Variants in AKAP5 observed in about 807,000 individuals in gnomAD.
AKAP5 encodes the protein A-kinase anchoring protein 5.
AKAP5 carries 5 observed loss-of-function variants against 13.8 expected under a neutral mutation model. The observed-to-expected ratio is 0.36, with a 90% CI of 0.19 to 0.76. The LOEUF (loss-of-function observed/expected upper bound fraction) is 0.76, where lower values mean the gene tolerates loss of function less well. Ranked by LOEUF, AKAP5 falls within the 30% of genes least tolerant of loss-of-function variation. The pLI, the probability that AKAP5 is intolerant of heterozygous loss-of-function variation, is 0.51. For synonymous variants in AKAP5, 148 were observed against 167.2 expected, an observed-to-expected ratio of 0.89 and a Z score of 0.89; for missense variants, 406 against 484.4, an observed-to-expected ratio of 0.84 and a Z score of 1.52.
Position 64,468,993 on chromosome 14 carries a change from G to C in AKAP5, c.599G>C (p.Ser200Thr). 6.2e-7 allele frequency: 1 copy of C among 1,614,168 alleles called. No homozygotes were observed. The highest frequency in any genetic ancestry group is 8.5e-7 in the Non-Finnish European group (1 of 1,180,004). The change falls in exon 2 of 2, where the codon AGC (serine) becomes ACC (threonine). Residue 200 changes from serine to threonine, a missense_variant. Ser to Thr is a moderately conservative substitution (Grantham distance 58). Transcript: ENST00000394718. ...DGDEVCESNVSNSTTSGEKVI... is the reference protein window; with the variant it reads ...DGDEVCESNVTNSTTSGEKVI... ...GATGAGGTCTGTGAATCAAATGTGA[G>C]CAATAGCACAACTTCTGGAGAGAAA...
rs965814767 is a variant in AKAP5, at chr14:64,470,019, T to C, written c.*341T>C. The C allele has an allele frequency of 8.3e-5, 16 of 192,458 alleles. No homozygotes were observed. The highest frequency in any genetic ancestry group is 1.2e-5 in the Non-Finnish European group (1 of 85,780). 11.9% of individuals were successfully genotyped at this position (192,458 alleles called of 1,614,324 possible). A position where few individuals can be genotyped will look rare whatever the true frequency, so the allele number is the denominator to read the frequency against. ...ATGCCATAAGCTTTTTAATGACCTC[T>C]GATATAACAAAGTCTGGTTTCCTTT... On this transcript the variant is annotated 3_prime_UTR_variant, in exon 2 of 2. Transcript: ENST00000394718.
Position 64,468,493 on chromosome 14 carries a change from C to T in AKAP5, c.99C>T (p.Ser33=). 1 of 1,614,048 alleles carries T rather than the reference C, an allele frequency of 6.2e-7. No individual in the cohort carries two copies. Among genetic ancestry groups the T allele is most frequent in the Non-Finnish European group, 8.5e-7 (1 of 1,180,016 alleles). Reference sequence around the variant, plus strand: ...CTGAAAGGCAGAAGGAAAAGGCATCCATGCTTTGCTTCAAGAGAAGAAAGA... The same window carrying T: ...CTGAAAGGCAGAAGGAAAAGGCATCTATGCTTTGCTTCAAGAGAAGAAAGA... The part of the protein sequence containing the change: ...PGAERQKEKA[S]MLCFKRRKKA... The change falls in exon 2 of 2, where the codon TCC becomes TCT. Residue 33 remains serine, a synonymous_variant. Transcript: ENST00000394718.
rs2078631799 is a variant in AKAP5 at position 64,468,272 on chromosome 14, A to C, written c.-123A>C. On this transcript the variant is annotated 5_prime_UTR_variant, in exon 2 of 2. Coordinates refer to ENST00000394718, the MANE Select transcript of AKAP5 (RefSeq NM_004857.3). ...AAAACAACTGTATGGAGTAAGATGAAAGGTATGAATATGCCTGGAAGAAAT... is the reference window on the plus strand; with the variant it reads ...AAAACAACTGTATGGAGTAAGATGACAGGTATGAATATGCCTGGAAGAAAT... The C allele has an allele frequency of 1.2e-6, 1 of 854,870 alleles. No individual in the cohort carries two copies. The highest frequency in any genetic ancestry group is 1.9e-5 in the South Asian group (1 of 51,932). 53.0% of individuals were successfully genotyped at this position (854,870 alleles called of 1,614,324 possible).
At position 64,469,746 on chromosome 14, in the gene AKAP5, T is replaced by G. The variant is rs952177694; in HGVS notation, c.*68T>G. The stretch of plus-strand genomic sequence containing the variant: ...GAATTCTTTTATACATTTGTGGCAT[T>G]TCTTACTCAGTAACAAATGAGAGAT... On this transcript the variant is annotated 3_prime_UTR_variant, in exon 2 of 2. Transcript: ENST00000394718. 1.1e-5 allele frequency: 13 copies of G among 1,166,948 alleles called. No individual in the cohort carries two copies. In the African/African-American group the frequency reaches 2.0e-4, roughly 18 times the overall value. 72.3% of individuals were successfully genotyped at this position (1,166,948 alleles called of 1,614,324 possible).
At position 64,469,558 on chromosome 14, in the gene AKAP5, T is replaced by C. The variant is rs373624267; in HGVS notation, c.1164T>C (p.Tyr388=). Reference sequence around the variant, plus strand: ...TTGAGGATAGAACTTCAGAACAATATGAAACACTCTTAATTGAAACAGCCT... The same window carrying C: ...TTGAGGATAGAACTTCAGAACAATACGAAACACTCTTAATTGAAACAGCCT... ...NGFEDRTSEQ[Y]ETLLIETASS... Residue 388 remains tyrosine, a synonymous_variant, in exon 2 of 2, where the codon TAT becomes TAC. Coordinates refer to ENST00000394718, the MANE Select transcript of AKAP5 (RefSeq NM_004857.3). 3.7e-6 allele frequency: 6 copies of C among 1,613,766 alleles called. No homozygotes were observed. The highest frequency in any genetic ancestry group is 3.3e-5 in the South Asian group (3 of 91,014).
intron 1 of AKAP5, chr14:64,467,418 T>A (rs903771146): frequency 6.6e-6 from 1 of 152,224 alleles, no homozygotes; most frequent in Non-Finnish European, 1.5e-5. Flanking sequence ...GTGCAGATTA[T>A]GGTGGAAACA....
rs1198062123 is a variant in AKAP5 at position 64,468,147 on chromosome 14, A to C, written c.-248A>C. ...CTCTCATCAGGTTGATCTTTAAATAAAGCAAAAATTTATCCAAAGAAGGGC... is the reference window on the plus strand; with the variant it reads ...CTCTCATCAGGTTGATCTTTAAATACAGCAAAAATTTATCCAAAGAAGGGC... On this transcript the variant is annotated 5_prime_UTR_variant, in exon 2 of 2. Transcript: ENST00000394718. 1 of 272,696 alleles carries C rather than the reference A, an allele frequency of 3.7e-6. No individual in the cohort carries two copies. Among genetic ancestry groups the C allele is most frequent in the African/African-American group, 2.2e-5 (1 of 45,084 alleles). 16.9% of individuals were successfully genotyped at this position (272,696 alleles called of 1,614,324 possible).
Position 64,471,541 on chromosome 14 carries a change from A to G in AKAP5, c.*1863A>G, listed in dbSNP as rs2078671655. On this transcript the variant is annotated 3_prime_UTR_variant, in exon 2 of 2. Transcript: ENST00000394718. The stretch of plus-strand genomic sequence containing the variant: ...TTACATATTGAAAGGGAAGCATCTG[A>G]TCTCATCAATGATTGCCATATTTTT... 1 of 167,066 alleles carries G rather than the reference A, an allele frequency of 6.0e-6. No individual in the cohort carries two copies. Among genetic ancestry groups the G allele is most frequent in the African/African-American group, 2.4e-5 (1 of 41,442 alleles). 10.3% of individuals were successfully genotyped at this position (167,066 alleles called of 1,614,324 possible). A position where few individuals can be genotyped will look rare whatever the true frequency, so the allele number is the denominator to read the frequency against.
intron 1 of AKAP5, among the ~76,000 whole-genome samples, chr14:64,466,596 C>T (rs2078615648): frequency 6.6e-6 from 1 of 152,114 alleles, no homozygotes; most frequent in Non-Finnish European, 1.5e-5. Flanking sequence ...ATTTTAGTTC[C>T]GTCATTGTTC....
Position 64,470,270 on chromosome 14 carries a change from G to A in AKAP5, c.*592G>A, listed in dbSNP as rs867670806. On this transcript the variant is annotated 3_prime_UTR_variant, in exon 2 of 2. Coordinates refer to ENST00000394718, the MANE Select transcript of AKAP5 (RefSeq NM_004857.3). ...ATATGCATATTGATATTAAACGTGA[G>A]TGGTTTCCTAGTCTTAAGTCTCTTA... 6.0e-6 allele frequency: 1 copy of A among 167,064 alleles called. No homozygotes were observed. Among genetic ancestry groups the A allele is most frequent in the African/African-American group, 2.4e-5 (1 of 41,428 alleles). The allele number at this position is 167,064 out of a possible 1,614,324, so 10.3% of individuals were successfully genotyped here. A position where few individuals can be genotyped will look rare whatever the true frequency, so the allele number is the denominator to read the frequency against.
chr14:64,469,650 A>T lies in AKAP5; in HGVS notation c.1256A>T (p.Asp419Val), dbSNP rs758162530. The T allele has an allele frequency of 2.1e-5, 33 of 1,592,300 alleles. 1 individual carries two copies. In the South Asian group the frequency reaches 2.1e-4, roughly 10 times the overall value. Residue 419 changes from aspartate (D) to valine (V), a missense_variant, in exon 2 of 2, where the codon GAT becomes GTT. Physicochemically the swap from Asp to Val is radical, Grantham distance 152. Coordinates refer to ENST00000394718, the MANE Select transcript of AKAP5 (RefSeq NM_004857.3). ...CTGGTTAATGAAATGGCCTCTGATG[A>T]TAATAAAATAAACAATCTTCTACAG... The part of the protein sequence containing the change: ...EQLVNEMASD[D>V]NKINNLLQ
rs1392419713 is a variant in AKAP5, at chr14:64,468,491, T to C, written c.97T>C (p.Ser33Pro). Residue 33 changes from serine (S) to proline (P), a missense_variant, in exon 2 of 2, where the codon TCC becomes CCC. Ser to Pro is a moderately conservative substitution (Grantham distance 74). Coordinates refer to ENST00000394718, the MANE Select transcript of AKAP5 (RefSeq NM_004857.3). ...GGCTGAAAGGCAGAAGGAAAAGGCA[T>C]CCATGCTTTGCTTCAAGAGAAGAAA... is the stretch of plus-strand genomic sequence containing the variant. Reference protein sequence around the residue: ...PGAERQKEKASMLCFKRRKKA... With the variant: ...PGAERQKEKAPMLCFKRRKKA... 2 of 1,613,912 alleles carry C rather than the reference T, an allele frequency of 1.2e-6. No individual in the cohort carries two copies. The highest frequency in any genetic ancestry group is 1.3e-5 in the African/African-American group (1 of 74,902).
rs1321231526 is a variant in AKAP5 at position 64,469,811 on chromosome 14, G to A, written c.*133G>A. The A allele has an allele frequency of 3.0e-6, 2 of 665,652 alleles. No homozygotes were observed. Among genetic ancestry groups the A allele is most frequent in the East Asian group, 5.8e-5 (2 of 34,204 alleles). The allele number at this position is 665,652 out of a possible 1,614,324, so 41.2% of individuals were successfully genotyped here. A position where few individuals can be genotyped will look rare whatever the true frequency, so the allele number is the denominator to read the frequency against. ...ACTTAAAAGGTACAATTCCAGCGCAGAAGTGCTAAAGATTAAGTCAAGTTT... is the reference window on the plus strand; with the variant it reads ...ACTTAAAAGGTACAATTCCAGCGCAAAAGTGCTAAAGATTAAGTCAAGTTT... On this transcript the variant is annotated 3_prime_UTR_variant, in exon 2 of 2. Coordinates refer to ENST00000394718, the MANE Select transcript of AKAP5 (RefSeq NM_004857.3).
rs2078659290 is a variant in AKAP5, at chr14:64,470,573, G to C, written c.*895G>C. ...CCACTGCACTCCAGTCTGGGCAACA[G>C]AGCGAGACTCCTTCTCAAAAAAAAA... On this transcript the variant is annotated 3_prime_UTR_variant, in exon 2 of 2. Coordinates refer to ENST00000394718, the MANE Select transcript of AKAP5 (RefSeq NM_004857.3). The C allele has an allele frequency of 6.6e-6, 1 of 152,366 alleles. No individual in the cohort carries two copies. The highest frequency in any genetic ancestry group is 2.7e-5 in the African/African-American group (1 of 36,488). The allele number at this position is 152,366 out of a possible 1,614,324, so 9.4% of individuals were successfully genotyped here. A position where few individuals can be genotyped will look rare whatever the true frequency, so the allele number is the denominator to read the frequency against.
Position 64,468,337 on chromosome 14 carries a change from A to G in AKAP5, c.-58A>G. 1 of 1,473,026 alleles carries G rather than the reference A, an allele frequency of 6.8e-7. No homozygotes were observed. Among genetic ancestry groups the G allele is most frequent in the Non-Finnish European group, 9.1e-7 (1 of 1,103,608 alleles). 91.2% of individuals were successfully genotyped at this position (1,473,026 alleles called of 1,614,324 possible). On this transcript the variant is annotated 5_prime_UTR_variant, in exon 2 of 2. Coordinates refer to ENST00000394718, the MANE Select transcript of AKAP5 (RefSeq NM_004857.3). The stretch of plus-strand genomic sequence containing the variant: ...CATTTTTGCTCATCTTTTTGTCACA[A>G]AAGGCTGCTAAGGAAGAGAGAATAC...
chr14:64,467,106 A>AT (rs2078620218), intron 1 of AKAP5: 7 of 152,150 alleles, frequency 4.6e-5, no homozygotes, highest in Admixed American at 4.6e-4. Flanking sequence ...CAATTTTTTA[A>AT]TTTTTTTACT....
rs1207686852 is a variant in AKAP5 at position 64,469,287 on chromosome 14, A to G, written c.893A>G (p.Glu298Gly). 4.3e-6 allele frequency: 7 copies of G among 1,613,060 alleles called. No homozygotes were observed. The highest frequency in any genetic ancestry group is 5.9e-6 in the Non-Finnish European group (7 of 1,179,892). ...AATGGAAAAGACTATGAAAGTACAG[A>G]GATTGTAGCTGAAGAAACTAAGCCA... ...APNGKDYESTEIVAEETKPKD... is the reference protein window; with the variant it reads ...APNGKDYESTGIVAEETKPKD... Residue 298 changes from glutamate to glycine, a missense_variant, in exon 2 of 2, where the codon GAG (glutamate) becomes GGG (glycine). Physicochemically the swap from Glu to Gly is moderately conservative, Grantham distance 98. Coordinates refer to ENST00000394718, the MANE Select transcript of AKAP5 (RefSeq NM_004857.3).
Position 64,469,610 on chromosome 14 carries a change from T to C in AKAP5, c.1216T>C (p.Leu406=). 11 of 1,611,906 alleles carry C rather than the reference T, an allele frequency of 6.8e-6. No homozygotes were observed. Among genetic ancestry groups the C allele is most frequent in the Non-Finnish European group, 9.3e-6 (11 of 1,179,406 alleles). Reference sequence around the variant, plus strand: ...TTCTCTAGTCAAGAATGCTATTCAGTTGTCAATAGAACAGCTGGTTAATGA... The same window carrying C: ...TTCTCTAGTCAAGAATGCTATTCAGCTGTCAATAGAACAGCTGGTTAATGA... ...ASSLVKNAIQ[L]SIEQLVNEMA... Residue 406 remains leucine (L), a synonymous_variant, in exon 2 of 2, where the codon TTG becomes CTG. Transcript: ENST00000394718.
rs1266398087 is a variant in AKAP5, at chr14:64,473,339, C to T, written c.*3661C>T. ...TCAGAAAAGCTGTCTGCATAATTTT[C>T]CTTCAAGGTAATGTATTTGACAGCA... On this transcript the variant is annotated 3_prime_UTR_variant, in exon 2 of 2. Transcript: ENST00000394718. 1 of 167,078 alleles carries T rather than the reference C, an allele frequency of 6.0e-6. No homozygotes were observed. Among genetic ancestry groups the T allele is most frequent in the East Asian group, 1.9e-4 (1 of 5,206 alleles). 10.3% of individuals were successfully genotyped at this position (167,078 alleles called of 1,614,324 possible).
Sources: allele counts gnomAD v4.1 joint callset (sites outside exome capture counted in the v4.1 genomes callset), GRCh38; gene constraint gnomAD v4.1.1; transcripts MANE v1.5; gene names NCBI Gene and HGNC (gene_info 2026-07-23, HGNC 2026-07-21).